Variants in CTNNA2 observed in about 807,000 individuals in gnomAD.
CTNNA2 encodes catenin alpha 2.
CTNNA2 carries 42 observed loss-of-function variants against 101.0 expected under a neutral mutation model. The observed-to-expected ratio is 0.42, with a 90% CI of 0.32 to 0.54. CTNNA2 has a LOEUF of 0.54. Among genes scored for constraint, CTNNA2 ranks in the 20% least tolerant of loss-of-function variants. The pLI, the probability that CTNNA2 is intolerant of heterozygous loss-of-function variation, is 0.14. For synonymous variants in CTNNA2, 450 were observed against 456.4 expected (o/e 0.99, Z 0.18); for missense variants, 871 against 1,223.1 (o/e 0.71, Z 4.29).
rs950571083 is a variant in CTNNA2 at position 80,254,452 on chromosome 2, A to G, written c.1057-138759A>G. Among the ~76,000 whole-genome samples, 4 of 152,184 alleles carry G rather than the reference A, an allele frequency of 2.6e-5. No individual in the cohort carries two copies. In the South Asian group the frequency reaches 8.3e-4, roughly 32 times the overall value. ...GAATAAGAAACCACTGTAAAAGTGTAGCCAAGGTATGGGGGGAGCTGGTTC... is the reference window on the plus strand; with the variant it reads ...GAATAAGAAACCACTGTAAAAGTGTGGCCAAGGTATGGGGGGAGCTGGTTC... On this transcript the variant is annotated intron_variant, in intron 7 of 18. Transcript: ENST00000402739.
intron 4 of CTNNA2, among the ~76,000 whole-genome samples, chr2:79,486,107 G>A (rs1046182557): frequency 6.6e-6 from 1 of 151,940 alleles, no homozygotes; most frequent in Admixed American, 6.6e-5. Flanking sequence ...AAGTTTTAGG[G>A]TACATGTGCA....
intron 9 of CTNNA2, among the ~76,000 whole-genome samples, chr2:80,424,373 A>G (rs897628987): frequency 5.9e-5 from 9 of 152,234 alleles, no homozygotes; most frequent in African/African-American, 1.9e-4. Flanking sequence ...GTGAACTATT[A>G]TGGGACTCTA....
At chr2:80,486,955 A>G (rs2149510450) in intron 9 of CTNNA2, among the ~76,000 whole-genome samples, 1 of 152,240 alleles carries the variant, frequency 6.6e-6, no homozygotes, top group South Asian at 2.1e-4. Flanking sequence ...ATCTTTTCAT[A>G]TCTGCACATG....
chr2:79,385,086 T>A (rs1678082586), intron 4 of CTNNA2, among the ~76,000 whole-genome samples: 1 of 152,244 alleles, frequency 6.6e-6, no homozygotes, highest in African/African-American at 2.4e-5. Flanking sequence ...TATGATTTTC[T>A]CATTTCCCTT....
chr2:80,002,092 G>T (rs1692989048), intron 7 of CTNNA2, among the ~76,000 whole-genome samples: 1 of 152,120 alleles, frequency 6.6e-6, no homozygotes, highest in Non-Finnish European at 1.5e-5. Context: ...ATTTCCAAAA[G>T]GTTCTATGGC....
At chr2:79,551,660 A>G (rs1056847759) in intron 1 of CTNNA2, among the ~76,000 whole-genome samples, 1 of 152,164 alleles carries the variant, frequency 6.6e-6, no homozygotes, top group African/African-American at 2.4e-5. Flanking sequence ...TAAAGAATAG[A>G]GGTTTAATTG....
intron 18 of CTNNA2, among the ~76,000 whole-genome samples, chr2:80,646,626 G>T (rs933318843): frequency 9.2e-5 from 14 of 151,764 alleles, no homozygotes; most frequent in Non-Finnish European, 1.6e-4. Context: ...AAGCAAGAAG[G>T]TTGAAGAAGA....
chr2:80,517,295 G>A (rs1472478266), intron 9 of CTNNA2, among the ~76,000 whole-genome samples: 2 of 152,226 alleles, frequency 1.3e-5, no homozygotes, highest in African/African-American at 2.4e-5. Context: ...GCAGTATCAG[G>A]AGGAAAAGGA....
chr2:80,451,296 G>A (rs1416557507), intron 9 of CTNNA2, among the ~76,000 whole-genome samples: 1 of 152,118 alleles, frequency 6.6e-6, no homozygotes, highest in Non-Finnish European at 1.5e-5. Flanking sequence ...TAGTGAGTGA[G>A]TTTTCATGAG....
intron 2 of CTNNA2, among the ~76,000 whole-genome samples, chr2:79,672,356 C>T (rs374810959): frequency 5.9e-5 from 9 of 152,166 alleles, no homozygotes; most frequent in African/African-American, 9.6e-5. Flanking sequence ...ACAATAATCA[C>T]GAACATTAAA....
At chr2:80,539,733 C>G (rs1252004216) in intron 9 of CTNNA2, among the ~76,000 whole-genome samples, 1 of 152,170 alleles carries the variant, frequency 6.6e-6, no homozygotes, top group Non-Finnish European at 1.5e-5. Flanking sequence ...AGAAGGAGAG[C>G]TTTCCTTTCT....
rs1686765252 is a variant in CTNNA2, at chr2:80,488,325, TC to T, written c.1291-56654del. Among the ~76,000 whole-genome samples the T allele has an allele frequency of 2.0e-5, 3 of 152,234 alleles. No homozygotes were observed. In the South Asian group the frequency reaches 6.2e-4, roughly 32 times the overall value. On this transcript the variant is annotated intron_variant, in intron 9 of 18. Transcript: ENST00000402739. ...TGGTTATATTTATTTTTGTTTTTTT[TC>T]CCACCTGGCCTGGTTAATAGGGTAT...
rs544387524 is a variant in CTNNA2, at chr2:80,141,536, G to A, written c.1056+231739G>A. ...AACCCTGTGAGCTCTGCCTCTTGCC[G>A]GCCTCATCTTACAGAAAGAGCAAGC... On this transcript the variant is annotated intron_variant, in intron 7 of 18. Transcript: ENST00000402739. Among the ~76,000 whole-genome samples, 6 of 152,070 alleles carry A rather than the reference G, an allele frequency of 3.9e-5. No homozygotes were observed. The East Asian group carries it at 7.8e-4, about 20-fold the overall frequency.
At chr2:79,359,019 A>C (rs1277956990) in intron 3 of CTNNA2, among the ~76,000 whole-genome samples, 5 of 152,166 alleles carry the variant, frequency 3.3e-5, no homozygotes, top group African/African-American at 1.2e-4. Flanking sequence ...TACACCTACT[A>C]GATATAACAT....
rs544791580 is a variant in CTNNA2, at chr2:80,343,521, C to A, written c.1057-49690C>A. ...GTTTTATTATCCTCTGGTTTTGTGT[C>A]ATTTACTTCTGTAACACTGTTTTTA... On this transcript the variant is annotated intron_variant, in intron 7 of 18. Coordinates refer to ENST00000402739, the MANE Select transcript of CTNNA2 (RefSeq NM_001282597.3). Among the ~76,000 whole-genome samples, 4 of 151,908 alleles carry A rather than the reference C, an allele frequency of 2.6e-5. No homozygotes were observed. The South Asian group carries it at 8.3e-4, about 32-fold the overall frequency.
intron 1 of CTNNA2, among the ~76,000 whole-genome samples, chr2:79,518,720 A>G (rs370391993): frequency 1.2e-4 from 19 of 152,316 alleles, no homozygotes; most frequent in Admixed American, 4.6e-4. Context: ...TCATCAATCT[A>G]TCTTTCAGTG....
chr2:79,213,799 A>G (rs1037554835), intron 2 of CTNNA2, among the ~76,000 whole-genome samples: 2 of 152,144 alleles, frequency 1.3e-5, no homozygotes, highest in African/African-American at 4.8e-5. Flanking sequence ...AGGAGCCAGG[A>G]AGCAGAAAGT....
At chr2:80,043,097 C>CTTTCTTTCTTTCTT (rs1558755056) in intron 7 of CTNNA2, among the ~76,000 whole-genome samples, 1 of 24,302 alleles carries the variant, frequency 4.1e-5, no homozygotes, top group Non-Finnish European at 7.4e-5. Context: ...CTTTCTTTCT[C>CTTTCTTTCTTTCTT]TCTCTCTCTC....
At chr2:79,330,555 G>A (rs1360355106) in intron 3 of CTNNA2, among the ~76,000 whole-genome samples, 1 of 152,164 alleles carries the variant, frequency 6.6e-6, no homozygotes, top group African/African-American at 2.4e-5. Context: ...GGGTGATATA[G>A]TTTGGCTGTG....
Sources: gnomAD v4.1 joint callset for allele counts (sites outside exome capture counted in the v4.1 genomes callset) on GRCh38, gnomAD v4.1.1 for gene constraint, MANE v1.5 for transcripts, NCBI Gene and HGNC (gene_info 2026-07-23, HGNC 2026-07-21) for gene names.